The following SMC3 variants were observed in gnomAD, a reference collection of about 807,000 sequenced individuals.
SMC3 encodes the protein structural maintenance of chromosomes 3.
Under a neutral mutation model 171.8 loss-of-function variants are expected in SMC3, and 20 were observed. The observed-to-expected ratio is 0.12, with a 90% CI of 0.08 to 0.17. The LOEUF is 0.17. Among genes scored for constraint, SMC3 ranks in the 10% least tolerant of loss-of-function variants. The pLI is 1.00. For missense variants in SMC3, 543 were observed against 1,420.4 expected (o/e 0.38, Z 9.93); for synonymous variants, 464 against 451.1 (o/e 1.03, Z -0.36).
Position 110,605,352 on chromosome 10 carries a change from A to G in SMC3, c.*1050A>G, listed in dbSNP as rs1861452502. On this transcript the variant is annotated 3_prime_UTR_variant, in exon 29 of 29. Coordinates refer to ENST00000361804, the MANE Select transcript of SMC3 (RefSeq NM_005445.4). The stretch of plus-strand genomic sequence containing the variant: ...TTTTGTAGATTCTTTGAGATTTTCT[A>G]CATAGACAGTCATGTCATTTGCAAG... 6.6e-6 allele frequency among the ~76,000 whole-genome samples: 1 copy of G among 152,164 alleles called. No homozygotes were observed. Among genetic ancestry groups the G allele is most frequent in the East Asian group, 1.9e-4 (1 of 5,198 alleles).
Position 110,600,561 on chromosome 10 carries a change from T to TG in SMC3, c.2535+15_2535+16insG, listed in dbSNP as rs1564795552. 6 of 1,336,068 alleles carry TG rather than the reference T, an allele frequency of 4.5e-6. No homozygotes were observed. The South Asian group carries it at 5.9e-5, about 13-fold the overall frequency. The allele number at this position is 1,336,068 out of a possible 1,614,324, so 82.8% of individuals were successfully genotyped here. On this transcript the variant is annotated intron_variant, in intron 22 of 28. Coordinates refer to ENST00000361804, the MANE Select transcript of SMC3 (RefSeq NM_005445.4). Reference sequence around the variant, plus strand: ...AAGTAGAACAGGTGTGTATGTGTTTTTTTTTTTTTTTTTAAGGGCTCCTTG... The same window carrying TG: ...AAGTAGAACAGGTGTGTATGTGTTTTGTTTTTTTTTTTTTAAGGGCTCCTTG...
In SMC3 at chr10:110,592,278, A is replaced by AT. The variant is rs754686077; in HGVS notation, c.1813-791dup. ...GACTCCATCTCAAAAAAAAAAAAAA[A>AT]TTTTATAGAACTGGGAAGTGCAAGG... On this transcript the variant is annotated intron_variant, in intron 17 of 28. Transcript: ENST00000361804. Among the ~76,000 whole-genome samples the AT allele has an allele frequency of 3.7e-3, 491 of 131,172 alleles. 3 individuals are homozygous for AT. The highest frequency in any genetic ancestry group is 0.012 in the African/African-American group (456 of 37,120). The allele number at this position is 131,172 out of a possible 152,430, so 86.1% of individuals were successfully genotyped here. A position where few individuals can be genotyped will look rare whatever the true frequency, so the allele number is the denominator to read the frequency against.
In SMC3 at chr10:110,598,231, T is replaced by C. The variant is rs376690548; in HGVS notation, c.2209T>C (p.Ser737Pro). The C allele has an allele frequency of 6.2e-7, 1 of 1,613,810 alleles. No individual in the cohort carries two copies. Among genetic ancestry groups the C allele is most frequent in the African/African-American group, 1.3e-5 (1 of 74,992 alleles). The change falls in exon 20 of 29, where the codon TCA (serine) becomes CCA (proline). Residue 737 changes from serine (S) to proline (P), a missense_variant. Ser to Pro is a moderately conservative substitution (Grantham distance 74, BLOSUM62 -1). Transcript: ENST00000361804. The part of the protein sequence containing the change: ...KFKASRDSIL[S>P]EMKMLKEKRQ... ...TAAAGCATCTAGAGATAGCATATTA[T>C]CAGAAATGAAGATGCTAAAAGAGAA...
At chr10:110,591,603 G>A (rs1185963372) in intron 17 of SMC3, among the ~76,000 whole-genome samples, 1 of 152,162 alleles carries the variant, frequency 6.6e-6, no homozygotes, top group African/African-American at 2.4e-5. Context: ...ATAGACTTCG[G>A]AAGCATAACA....
Position 110,573,679 on chromosome 10 carries a change from A to G in SMC3, c.92-28A>G, listed in dbSNP as rs559234029. On this transcript the variant is annotated intron_variant, in intron 2 of 28. Coordinates refer to ENST00000361804, the MANE Select transcript of SMC3 (RefSeq NM_005445.4). ...TTAATTTTATTGGTTTTTATGTAAA[A>G]TAACTTGTACTTTTTGAAATTTTCC... The G allele has an allele frequency of 6.6e-6, 10 of 1,512,956 alleles. No homozygotes were observed. The Admixed American group carries it at 8.5e-5, about 13-fold the overall frequency. The allele number at this position is 1,512,956 out of a possible 1,614,324, so 93.7% of individuals were successfully genotyped here. A position where few individuals can be genotyped will look rare whatever the true frequency, so the allele number is the denominator to read the frequency against.
At chr10:110,583,723 A>G in intron 11 of SMC3, 118 bp from the exon 12 acceptor site, 4 of 1,263,558 alleles carry the variant, frequency 3.2e-6, no homozygotes, top group Non-Finnish European at 4.5e-6. Flanking sequence ...TACATTAAAA[A>G]AGAGTTTCAT....
chr10:110,584,651 G>T (rs1394271322), intron 13 of SMC3, among the ~76,000 whole-genome samples: 1 of 151,936 alleles, frequency 6.6e-6, no homozygotes, highest in Non-Finnish European at 1.5e-5. Flanking sequence ...TTTGAGATAG[G>T]GTCTTGTTCT....
intron 28 of SMC3, 138 bp downstream of exon 28, chr10:110,603,428 T>C (rs1861417931): frequency 1.5e-6 from 1 of 646,252 alleles, no homozygotes; most frequent in Admixed American, 2.9e-5. Context: ...GAAAGAACTT[T>C]TCCTTCAAAT....
rs779291687 is a variant in SMC3 at position 110,582,103 on chromosome 10, A to G, written c.723+5A>G. 3 of 1,609,002 alleles carry G rather than the reference A, an allele frequency of 1.9e-6. No homozygotes were observed. The highest frequency in any genetic ancestry group is 2.6e-6 in the Non-Finnish European group (3 of 1,175,414). On this transcript the variant is annotated splice_donor_5th_base_variant and intron_variant, in intron 9 of 28. Transcript: ENST00000361804. ...ACTCGTGCCAAACTTGATGAGGTAAAATATTTACCTGTGACACTTAAAATC... is the reference window on the plus strand; with the variant it reads ...ACTCGTGCCAAACTTGATGAGGTAAGATATTTACCTGTGACACTTAAAATC...
At chr10:110,592,593 A>G (rs1861225542) in intron 17 of SMC3, among the ~76,000 whole-genome samples, 1 of 152,256 alleles carries the variant, frequency 6.6e-6, no homozygotes, top group Non-Finnish European at 1.5e-5. Context: ...TATATAAAAT[A>G]TGTAAAATTA....
intron 18 of SMC3, among the ~76,000 whole-genome samples, chr10:110,593,591 A>C (rs1452051450): frequency 1.3e-5 from 2 of 150,780 alleles, no homozygotes; most frequent in Non-Finnish European, 3.0e-5. Flanking sequence ...AGAGACATAT[A>C]ATCTGTATAA....
chr10:110,587,825 G>A (rs1451211736), intron 13 of SMC3, among the ~76,000 whole-genome samples: 4 of 152,126 alleles, frequency 2.6e-5, no homozygotes, highest in Non-Finnish European at 4.4e-5. Flanking sequence ...TCTTCTTTTA[G>A]CATGTGTTCA....
Position 110,604,551 on chromosome 10 carries a change from CATGCTAAATATTCTTT to C in SMC3, c.*250_*265del. ...TGCTCCTATTTTAAATGTTTTGAAA[CATGCTAAATATTCTTT>C]CCTAATTATTTTATCACTTATACTA... On this transcript the variant is annotated 3_prime_UTR_variant, in exon 29 of 29. Coordinates refer to ENST00000361804, the MANE Select transcript of SMC3 (RefSeq NM_005445.4). 1 of 432,782 alleles carries C rather than the reference CATGCTAAATATTCTTT, an allele frequency of 2.3e-6. No individual in the cohort carries two copies. Among genetic ancestry groups the C allele is most frequent in the East Asian group, 4.5e-5 (1 of 22,424 alleles). 26.8% of individuals were successfully genotyped at this position (432,782 alleles called of 1,614,324 possible).
At chr10:110,586,948 C>T (rs568311516) in intron 13 of SMC3, among the ~76,000 whole-genome samples, 25 of 152,260 alleles carry the variant, frequency 1.6e-4, no homozygotes, top group East Asian at 1.5e-3. Flanking sequence ...TGAGCCACCG[C>T]GCCCGGTGTA....
At position 110,604,200 on chromosome 10, in the gene SMC3, C is replaced by G. The variant is rs529796239; in HGVS notation, c.3583-31C>G. Reference sequence around the variant, plus strand: ...ACAATGTAAACACTGATGTAATTAACAGATTTTTGTTTTTAACATTTATTC... The same window carrying G: ...ACAATGTAAACACTGATGTAATTAAGAGATTTTTGTTTTTAACATTTATTC... On this transcript the variant is annotated intron_variant, in intron 28 of 28. Transcript: ENST00000361804. 4.2e-6 allele frequency: 6 copies of G among 1,422,640 alleles called. No homozygotes were observed. The Admixed American group carries it at 8.5e-5, about 20-fold the overall frequency. 88.1% of individuals were successfully genotyped at this position (1,422,640 alleles called of 1,614,324 possible).
intron 20 of SMC3, among the ~76,000 whole-genome samples, chr10:110,599,034 A>C (rs1861345127): frequency 6.7e-6 from 1 of 149,434 alleles, no homozygotes; most frequent in Middle Eastern, 3.4e-3. Flanking sequence ...CTAAAACTAC[A>C]AAGAGCTTAA....
intron 20 of SMC3, among the ~76,000 whole-genome samples, chr10:110,599,295 C>G (rs1450279350): frequency 6.6e-6 from 1 of 152,182 alleles, no homozygotes. Context: ...ACGGGTTTCA[C>G]CATGTTGGCC....
chr10:110,578,178 A>G (rs1267554832), intron 6 of SMC3, among the ~76,000 whole-genome samples: 1 of 152,124 alleles, frequency 6.6e-6, no homozygotes, highest in African/African-American at 2.4e-5. Flanking sequence ...GGTTCAAGCT[A>G]TTCTGCTGCC....
At chr10:110,589,532 C>T in intron 13 of SMC3, 73 bp from the exon 14 acceptor site, 1 of 993,016 alleles carries the variant, frequency 1.0e-6, no homozygotes, top group South Asian at 1.4e-5. Context: ...CCATCTGCAA[C>T]CACTGATCTG....
Sources: gnomAD v4.1 joint callset for allele counts (sites outside exome capture counted in the v4.1 genomes callset) on GRCh38, gnomAD v4.1.1 for gene constraint, MANE v1.5 for transcripts, NCBI Gene and HGNC (gene_info 2026-07-23, HGNC 2026-07-21) for gene names.